The following ANAPC4 variants were observed in gnomAD, a reference collection of about 807,000 sequenced individuals.
ANAPC4 encodes anaphase-promoting complex subunit 4.
Under a neutral mutation model 119.8 loss-of-function variants are expected in ANAPC4, and 63 were observed. The ratio of observed to expected loss-of-function variants is 0.53; its 90% CI spans 0.43 to 0.65. The LOEUF (loss-of-function observed/expected upper bound fraction) is 0.65, where lower values mean the gene tolerates loss of function less well. ANAPC4 is among the 30% of genes least tolerant of loss of function. The probability of loss-of-function intolerance (pLI) is 0.00; values close to 1 mark genes in which losing one functional copy is unlikely to be tolerated. For missense variants in ANAPC4, 716 were observed against 945.1 expected (o/e 0.76, Z 3.18); for synonymous variants, 283 against 318.6 (o/e 0.89, Z 1.19).
At chr4:25,396,174 A>G (rs1340904956) in intron 14 of ANAPC4, among the ~76,000 whole-genome samples, 2 of 152,078 alleles carry the variant, frequency 1.3e-5, no homozygotes, top group African/African-American at 2.4e-5. Flanking sequence ...CCTGCACCCC[A>G]TGTGTTTCCT....
intron 21 of ANAPC4, chr4:25,413,126 A>T (rs1723667917): frequency 3.1e-5 from 1 of 31,764 alleles, no homozygotes; most frequent in African/African-American, 7.9e-5. Flanking sequence ...TGTAAGCAAT[A>T]AAAAAAAAGG....
rs1183305787 is a variant in ANAPC4 at position 25,406,960 on chromosome 4, AAATTT to A, written c.1374+78_1374+82del. 1.2e-5 allele frequency: 14 copies of A among 1,213,622 alleles called. 1 individual carries two copies. The African/African-American group carries it at 1.8e-4, about 16-fold the overall frequency. The allele number at this position is 1,213,622 out of a possible 1,614,324, so 75.2% of individuals were successfully genotyped here. A position where few individuals can be genotyped will look rare whatever the true frequency, so the allele number is the denominator to read the frequency against. ...ACCTGGATAATGACAAGACATAATT[AAATTT>A]AACCCAATTTAATTGAAGTCTATAG... On this transcript the variant is annotated intron_variant, in intron 19 of 28. Transcript: ENST00000315368.
chr4:25,388,152 CAT>C (rs1164176073), intron 4 of ANAPC4, among the ~76,000 whole-genome samples: 1 of 152,066 alleles, frequency 6.6e-6, no homozygotes, highest in African/African-American at 2.4e-5. Flanking sequence ...TCTTAGTAGT[CAT>C]ATGTTTGGTG....
chr4:25,414,248 T>TG (rs1171077435), intron 22 of ANAPC4, 76 bp from the exon 23 acceptor site: 157 of 1,048,954 alleles, frequency 1.5e-4, no homozygotes, highest in Non-Finnish European at 2.0e-4. Flanking sequence ...CGAACAGTGA[T>TG]GGTCAGTCAC....
chr4:25,416,409 CTT>C lies in ANAPC4; in HGVS notation c.1902-15_1902-14del. 6.8e-7 allele frequency: 1 copy of C among 1,474,806 alleles called. No individual in the cohort carries two copies. Among genetic ancestry groups the C allele is most frequent in the South Asian group, 1.4e-5 (1 of 70,304 alleles). 91.4% of individuals were successfully genotyped at this position (1,474,806 alleles called of 1,614,324 possible). On this transcript the variant is annotated splice_polypyrimidine_tract_variant and intron_variant, in intron 26 of 28. Coordinates refer to ENST00000315368, the MANE Select transcript of ANAPC4 (RefSeq NM_013367.3). The stretch of plus-strand genomic sequence containing the variant: ...CACGATCATCTTTGATATAACAAAA[CTT>C]ATTTTAATTCTAGCATCTACAGTTG...
Position 25,383,406 on chromosome 4 carries a change from A to G in ANAPC4, c.368+13A>G. ...CAGTAGAAAGCAGGTAATTAGAAAA[A>G]CTTATGTAGTCATAGGGTATTCATG... is the stretch of plus-strand genomic sequence containing the variant. On this transcript the variant is annotated intron_variant, in intron 4 of 28. Coordinates refer to ENST00000315368, the MANE Select transcript of ANAPC4 (RefSeq NM_013367.3). The G allele has an allele frequency of 6.3e-7, 1 of 1,596,810 alleles. No individual in the cohort carries two copies.
In ANAPC4 at chr4:25,405,671, C is replaced by G. The variant is rs762995248; in HGVS notation, c.1317+52C>G. The G allele has an allele frequency of 1.9e-6, 3 of 1,566,068 alleles. No homozygotes were observed. The highest frequency in any genetic ancestry group is 2.6e-6 in the Non-Finnish European group (3 of 1,138,898). On this transcript the variant is annotated intron_variant, in intron 18 of 28. Transcript: ENST00000315368. The surrounding 1 kb of genome is among the most constrained non-coding windows in gnomAD (Gnocchi z 4.6). ...GTGTTCACATTGTCCTGCTTGAACT[C>G]AGCTGTGCTGGTCATTTTGGTACTC...
chr4:25,387,038 C>CTT (rs568308400), intron 4 of ANAPC4, among the ~76,000 whole-genome samples: 1 of 151,830 alleles, frequency 6.6e-6, no homozygotes, highest in Admixed American at 6.6e-5. Context: ...TCATCTGGAA[C>CTT]TTTTTTTTGT....
chr4:25,409,883 G>A (rs1411026646), intron 21 of ANAPC4, 92 bp downstream of exon 21: 6 of 821,456 alleles, frequency 7.3e-6, no homozygotes, highest in African/African-American at 3.5e-5. Flanking sequence ...CTGAAAACTT[G>A]CTGAACACTT....
chr4:25,387,960 T>TA (rs1046263750), intron 4 of ANAPC4, among the ~76,000 whole-genome samples: 26 of 149,194 alleles, frequency 1.7e-4, no homozygotes, highest in South Asian at 4.2e-4. Context: ...CCCCCATCTC[T>TA]AAAAAAAAAA....
chr4:25,400,378 TCA>T (rs1174283086), intron 16 of ANAPC4, among the ~76,000 whole-genome samples: 1 of 151,664 alleles, frequency 6.6e-6, no homozygotes, highest in Non-Finnish European at 1.5e-5. Context: ...GAGAGGAGGG[TCA>T]CAGAGGCCAG....
At chr4:25,387,782 C>A (rs774052793) in intron 4 of ANAPC4, among the ~76,000 whole-genome samples, 1 of 151,820 alleles carries the variant, frequency 6.6e-6, no homozygotes, top group African/African-American at 2.4e-5. Flanking sequence ...ATGGTGTAGT[C>A]TCAAATACCT....
intron 22 of ANAPC4, chr4:25,414,028 G>T: frequency 2.1e-6 from 1 of 472,760 alleles, no homozygotes; most frequent in South Asian, 3.7e-5. Flanking sequence ...AACAGTCTTA[G>T]TTACAGAGCT....
At chr4:25,417,892 C>T in intron 28 of ANAPC4, 153 bp downstream of exon 28, 1 of 1,104,726 alleles carries the variant, frequency 9.1e-7, no homozygotes, top group Non-Finnish European at 1.3e-6. Flanking sequence ...CATGTGGTGG[C>T]CTTAGCTATT....
chr4:25,411,049 G>A (rs2109142312), intron 21 of ANAPC4, among the ~76,000 whole-genome samples: 1 of 152,210 alleles, frequency 6.6e-6, no homozygotes. Context: ...ATTCTTTGAT[G>A]CCAAGAACTT....
At chr4:25,404,490 T>TTCTAACTGTAGTAAGAA (rs1723149529) in intron 17 of ANAPC4, among the ~76,000 whole-genome samples, 1 of 152,162 alleles carries the variant, frequency 6.6e-6, no homozygotes, top group Non-Finnish European at 1.5e-5. Flanking sequence ...TTACTACACA[T>TTCTAACTGTAGTAAGAA]TCTAACTGTA....
intron 16 of ANAPC4, among the ~76,000 whole-genome samples, chr4:25,400,709 C>T (rs1309969360): frequency 6.6e-6 from 1 of 152,120 alleles, no homozygotes; most frequent in Admixed American, 6.5e-5. Flanking sequence ...AGAATTGTAG[C>T]AAGGACCAGG....
intron 13 of ANAPC4, 21 bp from the exon 14 acceptor site, chr4:25,394,808 A>T: frequency 6.2e-7 from 1 of 1,607,170 alleles, no homozygotes; most frequent in Non-Finnish European, 8.5e-7. Flanking sequence ...TATGCTAAAT[A>T]TATTTTCCTT....
At chr4:25,387,669 T>TG (rs1722113413) in intron 4 of ANAPC4, among the ~76,000 whole-genome samples, 1 of 131,872 alleles carries the variant, frequency 7.6e-6, no homozygotes, top group African/African-American at 2.5e-5. Context: ...AAAAAATACT[T>TG]GCTAAATCAC....
Sources: gnomAD v4.1 joint callset for allele counts (sites outside exome capture counted in the v4.1 genomes callset) on GRCh38, gnomAD v4.1.1 for gene constraint, Gnocchi (gnomAD v3.1) non-coding constraint, MANE v1.5 for transcripts, NCBI Gene and HGNC (gene_info 2026-07-23, HGNC 2026-07-21) for gene names.